HERC1: variants seen among roughly 807,000 people sequenced by gnomAD.
The protein encoded by HERC1 is probable E3 ubiquitin-protein ligase HERC1.
In HERC1, 160 loss-of-function variants were observed where a neutral mutation model predicts 554.3. The ratio of observed to expected loss-of-function variants is 0.29; its 90% confidence interval spans 0.25 to 0.33. The LOEUF is 0.33. HERC1 is among the 10% of genes least tolerant of loss of function. The probability of loss-of-function intolerance (pLI) is 1.00; values close to 1 mark genes in which losing one functional copy is unlikely to be tolerated. For missense variants in HERC1, 4,919 were observed against 5,918.5 expected (o/e 0.83, Z 5.54); for synonymous variants, 2,175 against 2,131.7 (o/e 1.02, Z -0.56).
rs1471810662 is a variant in HERC1, at chr15:63,752,946, C to T, written c.1902+12G>A. 2 of 1,611,828 alleles carry T rather than the reference C, an allele frequency of 1.2e-6. No homozygotes were observed. The highest frequency in any genetic ancestry group is 1.7e-6 in the Non-Finnish European group (2 of 1,178,730). On this transcript the variant is annotated intron_variant, in intron 8 of 77. Coordinates refer to ENST00000443617, the MANE Select transcript of HERC1 (RefSeq NM_003922.4). ...ATACTCTAAGTCTTTTATACTCATC[C>T]CTTAGTCCTACCTGCCCTGTTGATG...
At chr15:63,691,728 G>A (rs2072125300) in intron 31 of HERC1, among the ~76,000 whole-genome samples, 1 of 152,096 alleles carries the variant, frequency 6.6e-6, no homozygotes, top group Non-Finnish European at 1.5e-5. Context: ...ATGTGCCGTA[G>A]AGGATTACAT....
At chr15:63,779,921 G>A (rs1276022874) in intron 1 of HERC1, 1 of 150,674 alleles carries the variant, frequency 6.6e-6, no homozygotes, top group Non-Finnish European at 1.5e-5. Context: ...GGCAGAGGCA[G>A]GAGAATCGCT....
chr15:63,797,591 T>C (rs561596083), intron 1 of HERC1, among the ~76,000 whole-genome samples: 57 of 152,228 alleles, frequency 3.7e-4, no homozygotes, highest in African/African-American at 1.3e-3. Context: ...CATCAAACTA[T>C]CCTTGAAAAC....
chr15:63,718,783 C>T lies in HERC1; in HGVS notation c.3857G>A (p.Arg1286Gln). 2 of 1,610,798 alleles carry T rather than the reference C, an allele frequency of 1.2e-6. No individual in the cohort carries two copies. The highest frequency in any genetic ancestry group is 1.7e-6 in the Non-Finnish European group (2 of 1,177,852). ...NLLSQACGES[R>Q]YQPGKHLSEV... The stretch of plus-strand genomic sequence containing the variant: ...CTGAGGATAGTTTTAAGTTACTTGC[C>T]GGCTTTCTCCACATGCTTGACTAAG... The change falls in exon 20 of 78, where the codon CGA (arginine) becomes CAA (glutamine). Residue 1286 changes from arginine to glutamine, a missense_variant and splice_region_variant. Coordinates refer to ENST00000443617, the MANE Select transcript of HERC1 (RefSeq NM_003922.4). This position sits in a 1 kb window ranked among gnomAD's most constrained non-coding sequence, Gnocchi z 4.2.
intron 2 of HERC1, among the ~76,000 whole-genome samples, chr15:63,770,085 G>A (rs1006503657): frequency 5.9e-5 from 9 of 152,014 alleles, no homozygotes; most frequent in African/African-American, 2.2e-4. Flanking sequence ...CTATAGCATG[G>A]GATACAGGGC....
intron 74 of HERC1, among the ~76,000 whole-genome samples, chr15:63,618,337 G>A (rs1043996815): frequency 2.0e-5 from 3 of 152,040 alleles, no homozygotes; most frequent in African/African-American, 7.2e-5. Context: ...ATTTCTGAGG[G>A]CTCTGTTCTG....
chr15:63,622,708 T>C (rs2068136878), intron 74 of HERC1, 107 bp downstream of exon 74: 1 of 716,160 alleles, frequency 1.4e-6, no homozygotes, highest in Non-Finnish European at 2.2e-6. Context: ...AAGGGGATAA[T>C]AGGTGTAAAG....
rs1247731305 is a variant in HERC1, at chr15:63,654,270, G to A, written c.10139C>T (p.Ser3380Phe). The A allele has an allele frequency of 1.9e-6, 3 of 1,613,996 alleles. No homozygotes were observed. The highest frequency in any genetic ancestry group is 1.7e-6 in the Non-Finnish European group (2 of 1,179,880). Residue 3380 changes from serine to phenylalanine, a missense_variant, in exon 51 of 78, where the codon TCC becomes TTC. Physicochemically the swap from Ser to Phe is radical, Grantham distance 155. Around this residue, in one of 11 missense-constraint regions of HERC1, gnomAD observed 1,963 missense variants for 2,228.6 expected, o/e 0.88. Transcript: ENST00000443617. ...LAACCLSSRLSSQHRQWAAQQ... is the reference protein window; with the variant it reads ...LAACCLSSRLFSQHRQWAAQQ... ...AGCTGCCCATTGCCGATGCTGTGAG[G>A]ACAGCCTGGAGGAGAGGCAGCAGGC...
chr15:63,641,668 A>G (rs1274380447), intron 59 of HERC1, 25 bp from the exon 60 acceptor site: 2 of 1,497,030 alleles, frequency 1.3e-6, no homozygotes, highest in East Asian at 5.0e-5. Flanking sequence ...ATCATGCCAC[A>G]TAATAAATTT....
rs576099631 is a variant in HERC1, at chr15:63,803,700, C to G, written c.-26-28051G>C. Among the ~76,000 whole-genome samples the G allele has an allele frequency of 1.2e-3, 183 of 152,290 alleles. 1 individual carries two copies. The highest frequency in any genetic ancestry group is 4.3e-3 in the African/African-American group (180 of 41,560). ...TGATAAAATACATTCCTCCTAACCACTCTTTCAAGATTATTAAATGATCTC... is the reference window on the plus strand; with the variant it reads ...TGATAAAATACATTCCTCCTAACCAGTCTTTCAAGATTATTAAATGATCTC... On this transcript the variant is annotated intron_variant, in intron 1 of 77. Transcript: ENST00000443617.
chr15:63,674,627 C>T lies in HERC1; in HGVS notation c.7561G>A (p.Ala2521Thr), dbSNP rs963612854. ...GCATATTTACTACAGCCAAGAAGGG[C>T]ACTAAGTGACTTCATAGCACCGAGG... ...LYLGAMKSLS[A>T]LLGCSKYAEL... Residue 2521 changes from alanine to threonine, a missense_variant, in exon 38 of 78, where the codon GCC becomes ACC. Coordinates refer to ENST00000443617, the MANE Select transcript of HERC1 (RefSeq NM_003922.4). 3 of 1,613,342 alleles carry T rather than the reference C, an allele frequency of 1.9e-6. No individual in the cohort carries two copies. The highest frequency in any genetic ancestry group is 2.2e-5 in the East Asian group (1 of 44,848).
chr15:63,800,494 T>C (rs188140214), intron 1 of HERC1, among the ~76,000 whole-genome samples: 117 of 152,294 alleles, frequency 7.7e-4, no homozygotes, highest in African/African-American at 2.7e-3. Context: ...AAGATATCAG[T>C]TTAAACAGTA....
intron 2 of HERC1, among the ~76,000 whole-genome samples, chr15:63,770,431 G>A (rs2075916738): frequency 6.6e-6 from 1 of 152,110 alleles, no homozygotes; most frequent in Non-Finnish European, 1.5e-5. Context: ...CTAAAGACAT[G>A]GATGCTCCAA....
chr15:63,718,930 A>G lies in HERC1; in HGVS notation c.3743-33T>C. The G allele has an allele frequency of 1.4e-6, 2 of 1,460,802 alleles. No homozygotes were observed. Among genetic ancestry groups the G allele is most frequent in the Non-Finnish European group, 9.5e-7 (1 of 1,054,162 alleles). The allele number at this position is 1,460,802 out of a possible 1,614,324, so 90.5% of individuals were successfully genotyped here. A position where few individuals can be genotyped will look rare whatever the true frequency, so the allele number is the denominator to read the frequency against. ...TAAAAATGATGCATTGACATTTAAAAGGGCTCAGAAAACAGTTCAGAGGTA... is the reference window on the plus strand; with the variant it reads ...TAAAAATGATGCATTGACATTTAAAGGGGCTCAGAAAACAGTTCAGAGGTA... On this transcript the variant is annotated intron_variant, in intron 19 of 77. Transcript: ENST00000443617. This position sits in a 1 kb window ranked among gnomAD's most constrained non-coding sequence, Gnocchi z 4.2.
intron 1 of HERC1, among the ~76,000 whole-genome samples, chr15:63,796,796 G>GAA (rs1358671897): frequency 6.6e-6 from 1 of 152,202 alleles, no homozygotes; most frequent in Non-Finnish European, 1.5e-5. Flanking sequence ...ATTATCTAAA[G>GAA]AAAGAAATGT....
intron 59 of HERC1, among the ~76,000 whole-genome samples, chr15:63,642,618 C>A (rs2069125125): frequency 6.6e-6 from 1 of 152,188 alleles, no homozygotes. Flanking sequence ...GGATTACAGG[C>A]ATGAGCCACT....
At chr15:63,681,503 T>C (rs2153000753) in intron 34 of HERC1, among the ~76,000 whole-genome samples, 1 of 152,230 alleles carries the variant, frequency 6.6e-6, no homozygotes, top group South Asian at 2.1e-4. Context: ...AGTGTGACTA[T>C]TACTATTTTC....
At chr15:63,823,347 T>C (rs1189716877) in intron 1 of HERC1, among the ~76,000 whole-genome samples, 1 of 152,232 alleles carries the variant, frequency 6.6e-6, no homozygotes, top group Non-Finnish European at 1.5e-5. Flanking sequence ...GTCATGGAAC[T>C]AAATAAATAC....
chr15:63,691,480 T>A (rs1282740415), intron 31 of HERC1, among the ~76,000 whole-genome samples: 2 of 151,526 alleles, frequency 1.3e-5, no homozygotes, highest in Non-Finnish European at 3.0e-5. Context: ...TAATAAAAAA[T>A]AAATAAATAA....
Sources: gnomAD v4.1 joint callset for allele counts (sites outside exome capture counted in the v4.1 genomes callset) on GRCh38, gnomAD v4.1.1 for gene constraint, gnomAD v4.1.1 regional missense constraint, Gnocchi (gnomAD v3.1) non-coding constraint, MANE v1.5 for transcripts, NCBI Gene and HGNC (gene_info 2026-07-23, HGNC 2026-07-21) for gene names.